Variants in CCDC28A observed in about 807,000 individuals in gnomAD.
The protein encoded by CCDC28A is coiled-coil domain-containing protein 28A.
A neutral mutation model predicts 22.1 loss-of-function variants in CCDC28A; 24 were observed. That is an observed-to-expected ratio of 1.09 (90% CI 0.79 to 1.53). The LOEUF is 1.53. CCDC28A is among the 40% of genes most tolerant of loss of function. CCDC28A has a pLI of 0.00. For synonymous variants in CCDC28A, 83 were observed against 74.7 expected (o/e 1.11, Z -0.57); for missense variants, 170 against 210.7 (o/e 0.81, Z 1.20).
chr6:138,779,242 A>G (rs1774982097), intron 2 of CCDC28A, among the ~76,000 whole-genome samples: 1 of 152,120 alleles, frequency 6.6e-6, no homozygotes, highest in Admixed American at 6.5e-5. Flanking sequence ...AGAACTGGAG[A>G]GATTAGATAT....
At chr6:138,779,714 C>G (rs371406626) in intron 2 of CCDC28A, 108 bp from the exon 3 acceptor site, 4 of 784,550 alleles carry the variant, frequency 5.1e-6, no homozygotes, top group Non-Finnish European at 7.7e-6. Context: ...AGTATTGACT[C>G]TATTTGATTT....
Position 138,779,880 on chromosome 6 carries a change from C to T in CCDC28A, c.217C>T (p.Pro73Ser). Residue 73 changes from proline (P) to serine (S), a missense_variant, in exon 3 of 6, where the codon CCG (proline) becomes TCG (serine). Physicochemically the swap from Pro to Ser is moderately conservative, Grantham distance 74. Coordinates refer to ENST00000617445, the MANE Select transcript of CCDC28A (RefSeq NM_015439.3). ...GGEGKGAQST[P>S]IQHSFLTDVS... ...AGAGGGCAAAGGCGCTCAGTCAACTCCGATCCAGCACTCCTTCCTCACTGA... is the reference window on the plus strand; with the variant it reads ...AGAGGGCAAAGGCGCTCAGTCAACTTCGATCCAGCACTCCTTCCTCACTGA... The T allele has an allele frequency of 5.0e-6, 8 of 1,613,900 alleles. No individual in the cohort carries two copies. The highest frequency in any genetic ancestry group is 6.8e-6 in the Non-Finnish European group (8 of 1,179,818).
At chr6:138,784,962 G>T (rs1415079898) in intron 3 of CCDC28A, among the ~76,000 whole-genome samples, 1 of 152,176 alleles carries the variant, frequency 6.6e-6, no homozygotes, top group African/African-American at 2.4e-5. Flanking sequence ...AAAGTACTGG[G>T]ATTACAGGCG....
chr6:138,784,699 C>CTT (rs58448983), intron 3 of CCDC28A, among the ~76,000 whole-genome samples: 20 of 143,488 alleles, frequency 1.4e-4, no homozygotes, highest in South Asian at 6.6e-4. Context: ...CCTATATGCT[C>CTT]TTTTTTTTTT....
chr6:138,779,509 G>T (rs1774985062), intron 2 of CCDC28A, among the ~76,000 whole-genome samples: 1 of 152,160 alleles, frequency 6.6e-6, no homozygotes, highest in Non-Finnish European at 1.5e-5. Context: ...GTTTTACTGA[G>T]AAATGAAATG....
At position 138,773,876 on chromosome 6, in the gene CCDC28A, G is replaced by A; in HGVS notation, c.-69G>A. On this transcript the variant is annotated 5_prime_UTR_variant, in exon 1 of 6. Coordinates refer to ENST00000617445, the MANE Select transcript of CCDC28A (RefSeq NM_015439.3). The stretch of plus-strand genomic sequence containing the variant: ...TGTCGGGTCTTTGCGGGTTGCGGAA[G>A]GGGGCCCCAATACCCTTCTTCTTCA... 2 of 1,613,808 alleles carry A rather than the reference G, an allele frequency of 1.2e-6. No homozygotes were observed. The highest frequency in any genetic ancestry group is 1.7e-6 in the Non-Finnish European group (2 of 1,180,010).
intron 3 of CCDC28A, among the ~76,000 whole-genome samples, chr6:138,783,365 C>T (rs1039436381): frequency 2.1e-5 from 3 of 145,778 alleles, no homozygotes; most frequent in African/African-American, 7.6e-5. Flanking sequence ...CCTCCTTGAG[C>T]TCAAGCCATC....
At chr6:138,787,107 T>C (rs1221098392) in intron 4 of CCDC28A, among the ~76,000 whole-genome samples, 1 of 152,228 alleles carries the variant, frequency 6.6e-6, no homozygotes, top group Non-Finnish European at 1.5e-5. Flanking sequence ...ATTTTTGTAA[T>C]TCACATGTTT....
intron 5 of CCDC28A, among the ~76,000 whole-genome samples, chr6:138,791,890 C>T (rs1188613140): frequency 6.6e-6 from 1 of 152,152 alleles, no homozygotes; most frequent in Non-Finnish European, 1.5e-5. Flanking sequence ...GTACTGCAAG[C>T]ATTTAGTTGC....
At chr6:138,775,006 C>G (rs1231725276) in intron 1 of CCDC28A, among the ~76,000 whole-genome samples, 2 of 152,222 alleles carry the variant, frequency 1.3e-5, no homozygotes, top group Non-Finnish European at 2.9e-5. Flanking sequence ...GTGGCACCAT[C>G]TCGGCTCAGG....
At chr6:138,779,711 A>T in intron 2 of CCDC28A, 111 bp from the exon 3 acceptor site, 1 of 739,460 alleles carries the variant, frequency 1.4e-6, no homozygotes, top group Non-Finnish European at 2.1e-6. Flanking sequence ...TTTAGTATTG[A>T]CTCTATTTGA....
Position 138,779,932 on chromosome 6 carries a change from G to C in CCDC28A, c.269G>C (p.Arg90Thr), listed in dbSNP as rs1187166145. ...TDVSDVQEME[R>T]GLLSLLNDFH... ...GTCTCAGATGTTCAGGAGATGGAGAGAGGGCTGCTCAGTCTTTTGAATGAT... is the reference window on the plus strand; with the variant it reads ...GTCTCAGATGTTCAGGAGATGGAGACAGGGCTGCTCAGTCTTTTGAATGAT... The change falls in exon 3 of 6, where the codon AGA becomes ACA. Residue 90 changes from arginine (R) to threonine (T), a missense_variant. Coordinates refer to ENST00000617445, the MANE Select transcript of CCDC28A (RefSeq NM_015439.3). 1 of 1,613,974 alleles carries C rather than the reference G, an allele frequency of 6.2e-7. No individual in the cohort carries two copies. Among genetic ancestry groups the C allele is most frequent in the South Asian group, 1.1e-5 (1 of 91,078 alleles).
chr6:138,790,227 T>C (rs1210163948), intron 5 of CCDC28A, among the ~76,000 whole-genome samples: 1 of 152,186 alleles, frequency 6.6e-6, no homozygotes, highest in East Asian at 1.9e-4. Context: ...CTCCACTCAC[T>C]GCAACCTGCT....
chr6:138,778,298 G>T (rs1190203300), intron 2 of CCDC28A, among the ~76,000 whole-genome samples: 1 of 152,038 alleles, frequency 6.6e-6, no homozygotes, highest in African/African-American at 2.4e-5. Context: ...GTGTGCATTG[G>T]GTTATAAAGA....
At chr6:138,775,098 C>T (rs1232963013) in intron 1 of CCDC28A, among the ~76,000 whole-genome samples, 1 of 152,224 alleles carries the variant, frequency 6.6e-6, no homozygotes, top group Non-Finnish European at 1.5e-5. Context: ...CGCCACCACT[C>T]CCGGCTAATT....
At chr6:138,784,042 T>C (rs1297053573) in intron 3 of CCDC28A, among the ~76,000 whole-genome samples, 1 of 151,844 alleles carries the variant, frequency 6.6e-6, no homozygotes, top group East Asian at 1.9e-4. Context: ...CACGCCTGGC[T>C]AATTGGCTGA....
chr6:138,783,849 C>T (rs963903559), intron 3 of CCDC28A, among the ~76,000 whole-genome samples: 2 of 149,424 alleles, frequency 1.3e-5, no homozygotes, highest in Non-Finnish European at 3.0e-5. Context: ...AGATTACAGG[C>T]GTGAGCCACC....
chr6:138,779,601 A>G (rs1444764863), intron 2 of CCDC28A, among the ~76,000 whole-genome samples: 1 of 152,198 alleles, frequency 6.6e-6, no homozygotes, highest in African/African-American at 2.4e-5. Flanking sequence ...GTATTAATCA[A>G]ACTTTTTATA....
intron 1 of CCDC28A, among the ~76,000 whole-genome samples, chr6:138,775,254 G>T (rs1774912692): frequency 6.6e-6 from 1 of 152,172 alleles, no homozygotes; most frequent in Non-Finnish European, 1.5e-5. Context: ...TTAAATAGAT[G>T]GATGTTAGAA....
Sources: allele counts gnomAD v4.1 joint callset (sites outside exome capture counted in the v4.1 genomes callset), GRCh38; gene constraint gnomAD v4.1.1; transcripts MANE v1.5; gene names NCBI Gene and HGNC (gene_info 2026-07-23, HGNC 2026-07-21).